Variants in RHBDD1 observed in about 807,000 individuals in gnomAD.
RHBDD1 encodes rhomboid domain containing 1, also known as rhomboid-related protein 4.
In RHBDD1, 38 loss-of-function variants were observed where a neutral mutation model predicts 36.3. The ratio of observed to expected loss-of-function variants is 1.05; its 90% CI spans 0.81 to 1.37. The LOEUF (loss-of-function observed/expected upper bound fraction) is 1.37. Ranked by LOEUF, RHBDD1 falls within the 40% of genes most tolerant of loss-of-function variation. RHBDD1 has a pLI of 0.00. For missense variants in RHBDD1, 393 were observed against 377.6 expected, an observed-to-expected ratio of 1.04 and a Z score of -0.34; for synonymous variants, 151 against 136.5, an observed-to-expected ratio of 1.11 and a Z score of -0.74.
intron 8 of RHBDD1, among the ~76,000 whole-genome samples, chr2:226,946,737 A>G (rs1448492501): frequency 1.3e-5 from 2 of 152,232 alleles, no homozygotes; most frequent in Non-Finnish European, 2.9e-5. Context: ...TAGAGAATCT[A>G]GAAGAAATGG....
At chr2:226,933,735 A>G (rs1430059888) in intron 8 of RHBDD1, among the ~76,000 whole-genome samples, 2 of 152,152 alleles carry the variant, frequency 1.3e-5, no homozygotes, top group East Asian at 1.9e-4. Flanking sequence ...TTTAAGGATT[A>G]TGTAGCATTT....
intron 3 of RHBDD1, among the ~76,000 whole-genome samples, chr2:226,849,683 T>G (rs1268463246): frequency 6.6e-6 from 1 of 152,260 alleles, no homozygotes; most frequent in African/African-American, 2.4e-5. Context: ...CCTTGCCCTG[T>G]GGGCATAACA....
the RHBDD1 span, among the ~76,000 whole-genome samples, chr2:226,810,652 A>AT: frequency 2.0e-5 from 3 of 151,598 alleles, no homozygotes; most frequent in African/African-American, 7.3e-5. Context: ...CTTCATCCTC[A>AT]TCATTTCCAG....
At chr2:226,964,923 G>C (rs1952505099) in intron 8 of RHBDD1, among the ~76,000 whole-genome samples, 1 of 152,178 alleles carries the variant, frequency 6.6e-6, no homozygotes, top group Admixed American at 6.5e-5. Context: ...CCCCATTAGA[G>C]GGTTTTGCTC....
chr2:226,956,883 C>G (rs1951822199), intron 8 of RHBDD1, among the ~76,000 whole-genome samples: 1 of 152,182 alleles, frequency 6.6e-6, no homozygotes. Context: ...GTTTCAAGGC[C>G]AAATCAGCCC....
At chr2:226,867,090 G>A (rs780551206) in intron 4 of RHBDD1, 96 bp from the exon 5 acceptor site, 13 of 1,242,428 alleles carry the variant, frequency 1.0e-5, no homozygotes, top group East Asian at 2.4e-5. Context: ...GGATGTAATC[G>A]AATAATCATT....
intron 5 of RHBDD1, among the ~76,000 whole-genome samples, chr2:226,875,759 A>G (rs1465283444): frequency 6.6e-6 from 1 of 152,190 alleles, no homozygotes; most frequent in African/African-American, 2.4e-5. Flanking sequence ...TGAAATCACA[A>G]TCTATCCATA....
chr2:226,926,359 G>GT (rs1481458514), intron 8 of RHBDD1, among the ~76,000 whole-genome samples: 2 of 152,028 alleles, frequency 1.3e-5, no homozygotes, highest in Admixed American at 6.6e-5. Context: ...TTCTCAAAGA[G>GT]TATGTTTTAT....
At chr2:226,908,475 G>A (rs1296547108) in intron 6 of RHBDD1, 1 of 222,520 alleles carries the variant, frequency 4.5e-6, no homozygotes, top group Non-Finnish European at 9.0e-6. Flanking sequence ...TCTCCATTTA[G>A]CCAGAGTGTC....
intron 8 of RHBDD1, among the ~76,000 whole-genome samples, chr2:226,985,716 G>C (rs1398588699): frequency 1.3e-5 from 2 of 152,248 alleles, no homozygotes; most frequent in Non-Finnish European, 2.9e-5. Context: ...AGCCCTCCTG[G>C]TGATTCACAC....
At chr2:226,814,682 A>G in the RHBDD1 span, among the ~76,000 whole-genome samples, 1 of 152,226 alleles carries the variant, frequency 6.6e-6, no homozygotes, top group East Asian at 1.9e-4. Flanking sequence ...CTGTTGAAAC[A>G]AATTGGATAT....
At chr2:226,817,155 A>G in the RHBDD1 span, among the ~76,000 whole-genome samples, 37,669 of 152,066 alleles carry the variant, frequency 0.25, 5,656 homozygotes, top group African/African-American at 0.43. Flanking sequence ...TGAGCTATAT[A>G]CGCCTAGTAA....
upstream of RHBDD1, among the ~76,000 whole-genome samples, chr2:226,831,879 T>C (rs202189993): frequency 6.6e-6 from 1 of 152,106 alleles, no homozygotes; most frequent in Admixed American, 6.5e-5. Flanking sequence ...GGGTTGGTAG[T>C]GATGTACCTG....
intron 8 of RHBDD1, among the ~76,000 whole-genome samples, chr2:226,918,316 G>A (rs1316854587): frequency 1.3e-5 from 2 of 151,490 alleles, no homozygotes; most frequent in African/African-American, 4.8e-5. Flanking sequence ...TCCTTTCTTT[G>A]TGTTACAAAC....
chr2:226,916,130 T>C (rs1315370567), intron 8 of RHBDD1, among the ~76,000 whole-genome samples: 1 of 152,194 alleles, frequency 6.6e-6, no homozygotes, highest in African/African-American at 2.4e-5. Flanking sequence ...GCTGGCACAA[T>C]GTCAGTTCCA....
chr2:226,915,892 G>GT (rs1408658240), intron 8 of RHBDD1, among the ~76,000 whole-genome samples: 2 of 152,196 alleles, frequency 1.3e-5, no homozygotes, highest in African/African-American at 4.8e-5. Flanking sequence ...TTGCTCATGA[G>GT]TATGTGAAGC....
Position 226,930,547 on chromosome 2 carries a change from A to C in RHBDD1, c.856+16196A>C, listed in dbSNP as rs570693575. On this transcript the variant is annotated intron_variant, in intron 8 of 8. Coordinates refer to ENST00000392062, the MANE Select transcript of RHBDD1 (RefSeq NM_001167608.3). ...TGAAACCATAAGAATTCTAGAAGAA[A>C]ACCTAGGAAAAACTTCCCTGGACAT... Among the ~76,000 whole-genome samples the C allele has an allele frequency of 2.6e-5, 4 of 152,222 alleles. No homozygotes were observed. The South Asian group carries it at 8.3e-4, about 32-fold the overall frequency.
chr2:226,976,023 G>T (rs1478818224), intron 8 of RHBDD1, among the ~76,000 whole-genome samples: 1 of 151,738 alleles, frequency 6.6e-6, no homozygotes, highest in African/African-American at 2.4e-5. Context: ...AGCATAGCAG[G>T]GCCTGTCTGG....
chr2:226,992,291 C>T (rs10204299), intron 8 of RHBDD1, among the ~76,000 whole-genome samples: 1 of 152,182 alleles, frequency 6.6e-6, no homozygotes. Context: ...GGGCTGACAT[C>T]AACTTTGTGA....
Sources: allele counts gnomAD v4.1 joint callset (sites outside exome capture counted in the v4.1 genomes callset), GRCh38; gene constraint gnomAD v4.1.1; transcripts MANE v1.5; gene names NCBI Gene and HGNC (gene_info 2026-07-23, HGNC 2026-07-21).